SNTG1: variants seen among roughly 807,000 people sequenced by gnomAD.
SNTG1 encodes the protein syntrophin gamma 1.
SNTG1 carries 39 observed loss-of-function variants against 74.7 expected under a neutral mutation model. That is an observed-to-expected ratio of 0.52 (90% CI 0.40 to 0.68). The LOEUF is 0.68. Ranked by LOEUF, SNTG1 falls within the 30% of genes least tolerant of loss-of-function variation. The pLI is 0.00. For missense variants in SNTG1, 685 were observed against 609.5 expected (o/e 1.12, Z -1.30); for synonymous variants, 254 against 217.1 (o/e 1.17, Z -1.49).
chr8:50,108,064 A>G (rs2131285481), intron 1 of SNTG1, among the ~76,000 whole-genome samples: 1 of 151,990 alleles, frequency 6.6e-6, no homozygotes, highest in South Asian at 2.1e-4. Context: ...TTTTGCTGGC[A>G]ACAAGAGATA....
At chr8:50,294,923 G>A (rs983945274) in intron 2 of SNTG1, among the ~76,000 whole-genome samples, 5 of 152,080 alleles carry the variant, frequency 3.3e-5, no homozygotes, top group African/African-American at 9.7e-5. Flanking sequence ...CACCAGAGCC[G>A]GACAACGAGC....
intron 13 of SNTG1, among the ~76,000 whole-genome samples, chr8:50,638,928 T>C (rs2095055637): frequency 6.6e-6 from 1 of 152,108 alleles, no homozygotes. Flanking sequence ...CCCAAAGCTA[T>C]CACTGTTTTA....
chr8:50,560,040 G>A (rs1307717329), intron 12 of SNTG1, among the ~76,000 whole-genome samples: 3 of 151,264 alleles, frequency 2.0e-5, no homozygotes, highest in Admixed American at 6.6e-5. Flanking sequence ...ACAAAAATAC[G>A]TTAAAAAGTG....
At chr8:50,678,869 G>A (rs2095320013) in intron 15 of SNTG1, among the ~76,000 whole-genome samples, 1 of 151,984 alleles carries the variant, frequency 6.6e-6, no homozygotes, top group Admixed American at 6.6e-5. Context: ...GAGAAATAAT[G>A]CACTCCTGTG....
chr8:50,338,382 C>T (rs2091219510), intron 2 of SNTG1, among the ~76,000 whole-genome samples: 3 of 151,886 alleles, frequency 2.0e-5, no homozygotes, highest in Admixed American at 2.0e-4. Context: ...CAATAAAAAC[C>T]CAGAAGGCAC....
chr8:50,420,298 A>G (rs968861753), intron 4 of SNTG1, among the ~76,000 whole-genome samples: 2 of 152,198 alleles, frequency 1.3e-5, no homozygotes, highest in African/African-American at 4.8e-5. Flanking sequence ...AATAACAGCA[A>G]TAGGAAGAAA....
At chr8:50,173,928 A>G (rs770518396) in intron 2 of SNTG1, among the ~76,000 whole-genome samples, 8 of 152,286 alleles carry the variant, frequency 5.3e-5, no homozygotes, top group South Asian at 2.1e-4. Flanking sequence ...CTATCAACCC[A>G]TCATCTAGGT....
intron 5 of SNTG1, among the ~76,000 whole-genome samples, chr8:50,440,673 A>G (rs1170987016): frequency 6.6e-6 from 1 of 152,180 alleles, no homozygotes; most frequent in Non-Finnish European, 1.5e-5. Flanking sequence ...TCTTACCACT[A>G]TTTGCTTCAG....
intron 1 of SNTG1, among the ~76,000 whole-genome samples, chr8:50,004,286 TA>T (rs1815012019): frequency 6.6e-6 from 1 of 152,176 alleles, no homozygotes; most frequent in South Asian, 2.1e-4. Context: ...TCACTTCACA[TA>T]AATTGAGGAT....
chr8:50,331,715 G>A (rs537576532), intron 2 of SNTG1, among the ~76,000 whole-genome samples: 2 of 152,292 alleles, frequency 1.3e-5, no homozygotes, highest in African/African-American at 2.4e-5. Context: ...TGCTGGTATA[G>A]AGAAGGATAC....
At chr8:50,156,918 T>G (rs766679729) in intron 1 of SNTG1, among the ~76,000 whole-genome samples, 4 of 152,130 alleles carry the variant, frequency 2.6e-5, no homozygotes, top group African/African-American at 7.2e-5. Context: ...AAGCACTGTG[T>G]GAAATGTAAA....
At chr8:50,380,397 T>A (rs1178708638) in intron 2 of SNTG1, among the ~76,000 whole-genome samples, 1 of 152,192 alleles carries the variant, frequency 6.6e-6, no homozygotes, top group Non-Finnish European at 1.5e-5. Context: ...CACAAAGAGA[T>A]AGGAGATAAA....
chr8:50,016,179 A>G (rs1816297261), intron 1 of SNTG1, among the ~76,000 whole-genome samples: 2 of 152,110 alleles, frequency 1.3e-5, no homozygotes, highest in Non-Finnish European at 2.9e-5. Flanking sequence ...GAGTGCTTTG[A>G]AGCTTCTTCT....
intron 8 of SNTG1, among the ~76,000 whole-genome samples, chr8:50,480,090 T>C (rs2093727628): frequency 6.6e-6 from 1 of 152,136 alleles, no homozygotes; most frequent in Non-Finnish European, 1.5e-5. Flanking sequence ...TCTTGAAATA[T>C]AATACTTACA....
chr8:50,651,400 A>C (rs950689569), intron 13 of SNTG1, among the ~76,000 whole-genome samples: 1 of 152,056 alleles, frequency 6.6e-6, no homozygotes, highest in Non-Finnish European at 1.5e-5. Context: ...TGAATCCCTC[A>C]AGTTTGATAT....
At chr8:50,665,503 A>G (rs2095246517) in intron 15 of SNTG1, among the ~76,000 whole-genome samples, 1 of 152,006 alleles carries the variant, frequency 6.6e-6, no homozygotes, top group Non-Finnish European at 1.5e-5. Flanking sequence ...CTCAATAGCA[A>G]GGAGCACACT....
intron 15 of SNTG1, among the ~76,000 whole-genome samples, chr8:50,660,426 G>A (rs1035643525): frequency 6.9e-5 from 5 of 72,736 alleles, no homozygotes; most frequent in African/African-American, 1.4e-4. Context: ...AAGAAAGAAA[G>A]AAGAAAGAAA....
chr8:50,367,033 C>T (rs2092134511), intron 2 of SNTG1, among the ~76,000 whole-genome samples: 2 of 151,026 alleles, frequency 1.3e-5, no homozygotes, highest in South Asian at 4.2e-4. Flanking sequence ...AAGACTAACA[C>T]CATCAAAGAG....
At chr8:50,294,259 A>G (rs2089263447) in intron 2 of SNTG1, among the ~76,000 whole-genome samples, 1 of 152,232 alleles carries the variant, frequency 6.6e-6, no homozygotes, top group African/African-American at 2.4e-5. Context: ...CTCTATATCA[A>G]TTTAATTCTG....
Sources: gnomAD v4.1 joint callset for allele counts (sites outside exome capture counted in the v4.1 genomes callset) on GRCh38, gnomAD v4.1.1 for gene constraint, MANE v1.5 for transcripts, NCBI Gene and HGNC (gene_info 2026-07-23, HGNC 2026-07-21) for gene names.